The following NAV3 variants were observed in gnomAD, a reference collection of about 807,000 sequenced individuals.
NAV3 encodes pore membrane and/or filament interacting like protein 1.
NAV3 carries 87 observed loss-of-function variants against 244.7 expected under a neutral mutation model. That is an observed-to-expected ratio of 0.36 (90% confidence interval 0.30 to 0.42). The LOEUF is 0.42. NAV3 is among the 20% of genes least tolerant of loss of function. The probability of loss-of-function intolerance (pLI) is 1.00; values close to 1 mark genes in which losing one functional copy is unlikely to be tolerated. For missense variants in NAV3, 2,663 were observed against 2,893.3 expected (o/e 0.92, Z 1.83); for synonymous variants, 1,126 against 1,042.2 (o/e 1.08, Z -1.55).
At chr12:78,122,802 G>A (rs1343379668) in intron 16 of NAV3, among the ~76,000 whole-genome samples, 2 of 151,526 alleles carry the variant, frequency 1.3e-5, no homozygotes, top group African/African-American at 2.4e-5. Flanking sequence ...AGACCAAATT[G>A]AAATTATTCT....
At chr12:78,089,264 G>A (rs1389465301) in intron 12 of NAV3, among the ~76,000 whole-genome samples, 1 of 152,052 alleles carries the variant, frequency 6.6e-6, no homozygotes, top group Non-Finnish European at 1.5e-5. Flanking sequence ...GAAAATAAGT[G>A]AATGCAGGTG....
intron 12 of NAV3, among the ~76,000 whole-genome samples, chr12:78,073,709 C>A (rs1952898531): frequency 1.3e-5 from 2 of 152,134 alleles, no homozygotes; most frequent in South Asian, 4.1e-4. Flanking sequence ...TCATATGGAA[C>A]CAAAAAAGAG....
At chr12:77,663,522 CTTTTTT>C (rs4017472) in intron 2 of NAV3, among the ~76,000 whole-genome samples, 1 of 139,354 alleles carries the variant, frequency 7.2e-6, no homozygotes, top group East Asian at 2.1e-4. Context: ...TCTTCTTCTT[CTTTTTT>C]TTTTTTTTTT....
chr12:77,740,688 A>G (rs1868311305), intron 2 of NAV3, among the ~76,000 whole-genome samples: 1 of 152,154 alleles, frequency 6.6e-6, no homozygotes, highest in African/African-American at 2.4e-5. Context: ...TGAAACTTGG[A>G]GCCACTTTCT....
chr12:77,574,779 T>C (rs568101356), intron 2 of NAV3, among the ~76,000 whole-genome samples: 8 of 151,836 alleles, frequency 5.3e-5, no homozygotes, highest in Non-Finnish European at 1.0e-4. Flanking sequence ...TGTAGATTTG[T>C]ACTTATTATA....
chr12:78,049,888 A>T, intron 9 of NAV3, 105 bp from the exon 10 acceptor site: 1 of 667,204 alleles, frequency 1.5e-6, no homozygotes, highest in Non-Finnish European at 2.6e-6. Context: ...AATGTATTAC[A>T]TATCCTTTTA....
chr12:77,635,355 CA>C (rs1872113364), intron 2 of NAV3, among the ~76,000 whole-genome samples: 1 of 152,118 alleles, frequency 6.6e-6, no homozygotes, highest in African/African-American at 2.4e-5. Flanking sequence ...CCACAGTACC[CA>C]GCTTCTAGCA....
intron 3 of NAV3, among the ~76,000 whole-genome samples, chr12:77,953,261 C>T (rs996621277): frequency 1.3e-5 from 2 of 152,120 alleles, no homozygotes; most frequent in African/African-American, 4.8e-5. Flanking sequence ...ATATCTATGT[C>T]TATACAGCTA....
chr12:78,122,465 C>A (rs1243641824), intron 16 of NAV3, 37 bp downstream of exon 16: 2 of 1,540,124 alleles, frequency 1.3e-6, no homozygotes, highest in South Asian at 1.3e-5. Context: ...CATCTTCCCC[C>A]TCTTCCCTGC....
chr12:78,160,835 T>C (rs1223123360), intron 23 of NAV3, among the ~76,000 whole-genome samples: 2 of 151,746 alleles, frequency 1.3e-5, no homozygotes, highest in African/African-American at 4.8e-5. Flanking sequence ...AACATAAATT[T>C]TCCTTTCTTT....
chr12:77,884,960 G>C (rs146725486), intron 1 of NAV3, among the ~76,000 whole-genome samples: 126 of 152,120 alleles, frequency 8.3e-4, no homozygotes, highest in African/African-American at 2.6e-3. Flanking sequence ...ATATGTCTTA[G>C]AGTAATTTTT....
chr12:78,038,871 A>G (rs909845395), intron 9 of NAV3, among the ~76,000 whole-genome samples: 2 of 152,136 alleles, frequency 1.3e-5, no homozygotes, highest in Non-Finnish European at 2.9e-5. Flanking sequence ...GTCCCCTGAC[A>G]GCATTTGATG....
intron 34 of NAV3, among the ~76,000 whole-genome samples, chr12:78,190,475 A>G (rs187601632): frequency 7.7e-4 from 117 of 152,112 alleles, no homozygotes; most frequent in African/African-American, 2.7e-3. Context: ...CAGGTCTCCT[A>G]TGGCATGGTT....
intron 1 of NAV3, among the ~76,000 whole-genome samples, chr12:77,934,388 A>C (rs1005008777): frequency 1.3e-5 from 2 of 151,974 alleles, no homozygotes; most frequent in Non-Finnish European, 2.9e-5. Context: ...AAAATTCCAT[A>C]TGGCTCTTGG....
intron 2 of NAV3, among the ~76,000 whole-genome samples, chr12:77,619,225 C>T (rs1432777571): frequency 3.9e-5 from 6 of 152,148 alleles, no homozygotes; most frequent in East Asian, 1.9e-4. Context: ...AGAGCTCTCT[C>T]GTCAACCCCC....
chr12:77,942,041 T>C (rs1317361664), intron 3 of NAV3, among the ~76,000 whole-genome samples: 2 of 152,204 alleles, frequency 1.3e-5, no homozygotes, highest in African/African-American at 2.4e-5. Flanking sequence ...ATAATAAACA[T>C]AATTTATTTC....
intron 9 of NAV3, among the ~76,000 whole-genome samples, chr12:78,022,615 T>C (rs1877347204): frequency 6.6e-6 from 1 of 152,180 alleles, no homozygotes; most frequent in Non-Finnish European, 1.5e-5. Context: ...AGCCTGTGTA[T>C]TCACAGCTAA....
rs760299211 is a variant in NAV3, at chr12:78,007,251, G to A, written c.1713G>A (p.Met571Ile). 4 of 1,614,188 alleles carry A rather than the reference G, an allele frequency of 2.5e-6. No homozygotes were observed. Among genetic ancestry groups the A allele is most frequent in the Non-Finnish European group, 3.4e-6 (4 of 1,180,036 alleles). The part of the protein sequence containing the change: ...PSQSLSKPIT[M>I]EKASASSCPA... The stretch of plus-strand genomic sequence containing the variant: ...AGTCCTTATCTAAGCCTATAACCAT[G>A]GAGAAAGCAAGTGCTTCTAGTTGTC... The change falls in exon 8 of 40, where the codon ATG becomes ATA. Residue 571 changes from methionine (M) to isoleucine (I), a missense_variant. Transcript: ENST00000397909.
intron 1 of NAV3, among the ~76,000 whole-genome samples, chr12:77,911,493 G>A (rs1185392074): frequency 6.6e-6 from 1 of 152,054 alleles, no homozygotes; most frequent in Non-Finnish European, 1.5e-5. Context: ...TTGGTTTATT[G>A]TCAATGCAAG....
Sources: allele counts gnomAD v4.1 joint callset (sites outside exome capture counted in the v4.1 genomes callset), GRCh38; gene constraint gnomAD v4.1.1; transcripts MANE v1.5; gene names NCBI Gene and HGNC (gene_info 2026-07-23, HGNC 2026-07-21).